The following AGAP1 variants were observed in gnomAD, a reference collection of about 807,000 sequenced individuals.
AGAP1 encodes ArfGAP with GTPase domain, ankyrin repeat and PH domain 1, also known as arf-GAP with GTPase, ANK repeat and PH domain-containing protein 1.
AGAP1 carries 29 observed loss-of-function variants against 105.3 expected under a neutral mutation model. That is an observed-to-expected ratio of 0.28 (90% CI 0.21 to 0.38). AGAP1 has a LOEUF of 0.38. AGAP1 is among the 10% of genes least tolerant of loss of function. AGAP1 has a pLI of 1.00. For synonymous variants in AGAP1, 509 were observed against 485.9 expected (o/e 1.05, Z -0.63); for missense variants, 998 against 1,165.1 (o/e 0.86, Z 2.09).
chr2:236,018,922 A>G (rs564564145), intron 13 of AGAP1, among the ~76,000 whole-genome samples: 53 of 152,314 alleles, frequency 3.5e-4, no homozygotes, highest in African/African-American at 1.1e-3. Context: ...AGGCATTGCC[A>G]TGGGGAAACA....
At chr2:235,918,084 C>T (rs184223622) in intron 11 of AGAP1, among the ~76,000 whole-genome samples, 9 of 152,246 alleles carry the variant, frequency 5.9e-5, no homozygotes, top group Non-Finnish European at 1.0e-4. Flanking sequence ...TCAGTCCACA[C>T]CTGTCCCCTG....
chr2:236,031,040 T>C (rs1367273245), intron 13 of AGAP1, among the ~76,000 whole-genome samples: 2 of 152,346 alleles, frequency 1.3e-5, no homozygotes, highest in East Asian at 3.9e-4. Flanking sequence ...TTGAAAATGC[T>C]AGCAAATCTA....
chr2:235,798,649 A>G (rs1009287675), intron 7 of AGAP1, among the ~76,000 whole-genome samples: 1 of 152,144 alleles, frequency 6.6e-6, no homozygotes, highest in African/African-American at 2.4e-5. Context: ...AGCTCAAGGC[A>G]GGTGGATCGC....
chr2:236,062,884 A>T lies in AGAP1; in HGVS notation c.2114+13603A>T, dbSNP rs2125764334. On this transcript the variant is annotated intron_variant, in intron 16 of 17. Coordinates refer to ENST00000304032, the MANE Select transcript of AGAP1 (RefSeq NM_001037131.3). This position sits in a 1 kb window ranked among gnomAD's most constrained non-coding sequence, Gnocchi z 4.2. ...ACCATCTTGGCCAGGCTGGTCTTGA[A>T]CTCCTGACCTCATGATCCACCCACC... Among the ~76,000 whole-genome samples, 1 of 151,440 alleles carries T rather than the reference A, an allele frequency of 6.6e-6. No individual in the cohort carries two copies. Among genetic ancestry groups the T allele is most frequent in the South Asian group, 2.1e-4 (1 of 4,764 alleles).
Position 235,916,705 on chromosome 2 carries a change from C to T in AGAP1, c.1324+7799C>T, listed in dbSNP as rs1007988650. 4.6e-5 allele frequency among the ~76,000 whole-genome samples: 7 copies of T among 152,128 alleles called. 1 individual carries two copies. The highest frequency in any genetic ancestry group is 7.4e-5 in the Non-Finnish European group (5 of 68,018). Reference sequence around the variant, plus strand: ...ACGGCATTCCTTTGAAAAGCTTGGCCGATGCTGACTTCACAGAATTACATC... The same window carrying T: ...ACGGCATTCCTTTGAAAAGCTTGGCTGATGCTGACTTCACAGAATTACATC... On this transcript the variant is annotated intron_variant, in intron 11 of 17. Transcript: ENST00000304032.
rs948843897 is a variant in AGAP1, at chr2:235,712,234, A to G, written c.222+2997A>G. On this transcript the variant is annotated intron_variant, in intron 2 of 17. Coordinates refer to ENST00000304032, the MANE Select transcript of AGAP1 (RefSeq NM_001037131.3). This position sits in a 1 kb window ranked among gnomAD's most constrained non-coding sequence, Gnocchi z 6.0. Reference sequence around the variant, plus strand: ...AAGATTTTACCATGTTGGCCAGGCTATGCTCAAACTCCTGACCTCGTCATC... The same window carrying G: ...AAGATTTTACCATGTTGGCCAGGCTGTGCTCAAACTCCTGACCTCGTCATC... 2.6e-5 allele frequency among the ~76,000 whole-genome samples: 4 copies of G among 152,160 alleles called. No individual in the cohort carries two copies. Among genetic ancestry groups the G allele is most frequent in the African/African-American group, 7.2e-5 (3 of 41,450 alleles).
At chr2:235,780,742 C>T (rs548460514) in intron 6 of AGAP1, among the ~76,000 whole-genome samples, 5 of 152,274 alleles carry the variant, frequency 3.3e-5, no homozygotes, top group African/African-American at 1.2e-4. Context: ...TAAAGGAAAA[C>T]TTTTAGATTT....
intron 11 of AGAP1, among the ~76,000 whole-genome samples, chr2:235,924,006 CACGT>C (rs980691498): frequency 3.9e-5 from 6 of 152,212 alleles, no homozygotes; most frequent in African/African-American, 1.4e-4. Context: ...TTAATAAGAG[CACGT>C]AAGCAAGCCT....
intron 1 of AGAP1, among the ~76,000 whole-genome samples, chr2:235,683,462 T>C (rs928430934): frequency 2.0e-5 from 3 of 150,816 alleles, no homozygotes; most frequent in South Asian, 2.1e-4. Context: ...ATAAATATTA[T>C]ACAATACTTA....
At chr2:235,511,243 C>T (rs897896589) in intron 1 of AGAP1, among the ~76,000 whole-genome samples, 1 of 151,892 alleles carries the variant, frequency 6.6e-6, no homozygotes, top group Admixed American at 6.5e-5. Flanking sequence ...CTGATCCACA[C>T]TCACCAAGGA....
Position 235,888,980 on chromosome 2 carries a change from C to T in AGAP1, c.1155+5531C>T, listed in dbSNP as rs554823685. ...TTTTTCAATGTCTTCATTAGATGCC[C>T]TTAGGAAAAGATCTCCCTGAAGAGG... On this transcript the variant is annotated intron_variant, in intron 10 of 17. Transcript: ENST00000304032. The surrounding 1 kb of genome is among the most constrained non-coding windows in gnomAD (Gnocchi z 4.8). Among the ~76,000 whole-genome samples, 1 of 152,274 alleles carries T rather than the reference C, an allele frequency of 6.6e-6. No homozygotes were observed. The highest frequency in any genetic ancestry group is 2.1e-4 in the South Asian group (1 of 4,820).
chr2:235,834,509 C>G (rs182264390), intron 9 of AGAP1, among the ~76,000 whole-genome samples: 10 of 152,322 alleles, frequency 6.6e-5, no homozygotes, highest in Admixed American at 4.6e-4. Context: ...AGGGCAGAGC[C>G]CTGTCCTCCT....
intron 16 of AGAP1, among the ~76,000 whole-genome samples, chr2:236,065,278 A>G (rs1038661632): frequency 6.6e-6 from 1 of 152,150 alleles, no homozygotes; most frequent in Non-Finnish European, 1.5e-5. Flanking sequence ...GGGCACGTCC[A>G]TTGGCTTTGA....
In AGAP1 at chr2:235,979,144, T is replaced by A. The variant is rs2054985485; in HGVS notation, c.1645+10521T>A. On this transcript the variant is annotated intron_variant, in intron 13 of 17. Coordinates refer to ENST00000304032, the MANE Select transcript of AGAP1 (RefSeq NM_001037131.3). The surrounding 1 kb of genome is among the most constrained non-coding windows in gnomAD (Gnocchi z 4.5). ...GGGTTTTTTTGTTGTTGTTTTTGTTTTTTTTTTTTTGGGATATGATCTCAC... is the reference window on the plus strand; with the variant it reads ...GGGTTTTTTTGTTGTTGTTTTTGTTATTTTTTTTTTGGGATATGATCTCAC... 6.6e-6 allele frequency among the ~76,000 whole-genome samples: 1 copy of A among 150,766 alleles called. No homozygotes were observed. Among genetic ancestry groups the A allele is most frequent in the South Asian group, 2.1e-4 (1 of 4,806 alleles).
At chr2:235,749,046 A>G (rs1953204129) in intron 5 of AGAP1, among the ~76,000 whole-genome samples, 1 of 152,122 alleles carries the variant, frequency 6.6e-6, no homozygotes, top group African/African-American at 2.4e-5. Context: ...CGTGTCGACT[A>G]AAAATACAAA....
intron 11 of AGAP1, among the ~76,000 whole-genome samples, chr2:235,917,250 G>C (rs946966423): frequency 1.3e-5 from 2 of 152,148 alleles, no homozygotes; most frequent in Admixed American, 1.3e-4. Flanking sequence ...CAGGGGAGGT[G>C]GGGGAGGCGG....
Position 235,563,195 on chromosome 2 carries a change from G to A in AGAP1, c.163+68346G>A, listed in dbSNP as rs561579787. 7.0e-4 allele frequency among the ~76,000 whole-genome samples: 106 copies of A among 152,256 alleles called. 3 individuals carry two copies. In the South Asian group the frequency reaches 0.019, roughly 27 times the overall value. On this transcript the variant is annotated intron_variant, in intron 1 of 17. Coordinates refer to ENST00000304032, the MANE Select transcript of AGAP1 (RefSeq NM_001037131.3). ...GTGCAGCCCCAGCATCTCATGCCTCGCACCCTCCGAGCTGCCTGGCCTTGG... is the reference window on the plus strand; with the variant it reads ...GTGCAGCCCCAGCATCTCATGCCTCACACCCTCCGAGCTGCCTGGCCTTGG...
chr2:236,093,603 A>G (rs2059118567), intron 16 of AGAP1, among the ~76,000 whole-genome samples: 1 of 152,232 alleles, frequency 6.6e-6, no homozygotes, highest in Admixed American at 6.5e-5. Context: ...GGGAGGAGGT[A>G]TAAGAGGATG....
intron 1 of AGAP1, among the ~76,000 whole-genome samples, chr2:235,521,760 G>A (rs1317418434): frequency 1.3e-5 from 2 of 152,030 alleles, no homozygotes; most frequent in East Asian, 1.9e-4. Flanking sequence ...GTGTGTGTGT[G>A]TGTGTGTGTG....
Sources: allele counts gnomAD v4.1 joint callset (sites outside exome capture counted in the v4.1 genomes callset), GRCh38; gene constraint gnomAD v4.1.1; non-coding constraint Gnocchi (gnomAD v3.1); transcripts MANE v1.5; gene names NCBI Gene and HGNC (gene_info 2026-07-23, HGNC 2026-07-21).